Variants in EVL observed in about 807,000 individuals in gnomAD.
EVL encodes ena/VASP-like protein.
EVL carries 21 observed loss-of-function variants against 59.6 expected under a neutral mutation model. That is an observed-to-expected ratio of 0.35 (90% CI 0.25 to 0.51). The LOEUF is 0.51. Among genes scored for constraint, EVL ranks in the 20% least tolerant of loss-of-function variants. The pLI, the probability that EVL is intolerant of heterozygous loss-of-function variation, is 0.97. For synonymous variants in EVL, 198 were observed against 203.5 expected, an observed-to-expected ratio of 0.97 and a Z score of 0.23; for missense variants, 462 against 546.6, an observed-to-expected ratio of 0.85 and a Z score of 1.54.
At chr14:100,006,968 TAGG>T (rs2060986575) in intron 1 of EVL, among the ~76,000 whole-genome samples, 2 of 151,980 alleles carry the variant, frequency 1.3e-5, no homozygotes, top group Admixed American at 6.6e-5. Context: ...CAAGCACCAG[TAGG>T]AGATTTGTCA....
At chr14:100,056,241 A>T (rs2061731162) in intron 1 of EVL, among the ~76,000 whole-genome samples, 1 of 148,922 alleles carries the variant, frequency 6.7e-6, no homozygotes, top group Non-Finnish European at 1.5e-5. Flanking sequence ...TGCTTCTGAG[A>T]TGCCTTTTAC....
chr14:100,014,995 G>A (rs1319513822), intron 1 of EVL, among the ~76,000 whole-genome samples: 1 of 152,230 alleles, frequency 6.6e-6, no homozygotes, highest in African/African-American at 2.4e-5. Context: ...AAGTGAATGT[G>A]CATATTAGTA....
At chr14:100,065,182 C>T (rs1013570755), upstream of EVL, 2 of 178,666 alleles carry the variant, frequency 1.1e-5, no homozygotes, top group Non-Finnish European at 2.3e-5. Context: ...CACCCTTGCA[C>T]CCTTGCAGGA....
At position 100,097,528 on chromosome 14, in the gene EVL, C is replaced by T. The variant is rs763175483; in HGVS notation, c.228C>T (p.Ala76=). 11 of 1,613,880 alleles carry T rather than the reference C, an allele frequency of 6.8e-6. No individual in the cohort carries two copies. Among genetic ancestry groups the T allele is most frequent in the Non-Finnish European group, 8.5e-6 (10 of 1,179,882 alleles). The stretch of plus-strand genomic sequence containing the variant: ...TGAAAGGGCTGAAGTACAATCAGGC[C>T]ACGCCAACCTTCCACCAGTGGCGAG... ...SIVKGLKYNQ[A]TPTFHQWRDA... Residue 76 remains alanine, a synonymous_variant, in exon 3 of 14, where the codon GCC becomes GCT. Transcript: ENST00000392920.
At chr14:100,028,491 A>G (rs1460591483) in intron 1 of EVL, among the ~76,000 whole-genome samples, 1 of 152,122 alleles carries the variant, frequency 6.6e-6, no homozygotes, top group African/African-American at 2.4e-5. Context: ...TTTAGTTGTT[A>G]GGATGGCAAA....
intron 3 of EVL, among the ~76,000 whole-genome samples, chr14:100,103,422 GC>G (rs1319608152): frequency 1.3e-5 from 2 of 151,984 alleles, no homozygotes; most frequent in Non-Finnish European, 2.9e-5. Flanking sequence ...ATCCTCCCCA[GC>G]CCTCTGGATC....
At chr14:100,125,122 C>CCATACACACACACACA (rs142613424) in intron 4 of EVL, among the ~76,000 whole-genome samples, 1 of 103,078 alleles carries the variant, frequency 9.7e-6, no homozygotes, top group African/African-American at 4.8e-5. Context: ...CAAGGCGGGA[C>CCATACACACACACACA]CACACACACA....
In EVL at chr14:100,127,945, C is replaced by T. The variant is rs559601646; in HGVS notation, c.488-574C>T. The stretch of plus-strand genomic sequence containing the variant: ...TGGTTTTCCTCAGCACCATACCCAG[C>T]ACCTAGCACAGTGCCTGGCACAAAA... On this transcript the variant is annotated intron_variant, in intron 5 of 13. Coordinates refer to ENST00000392920, the MANE Select transcript of EVL (RefSeq NM_016337.3). The surrounding 1 kb of genome is among the most constrained non-coding windows in gnomAD (Gnocchi z 4.2). Among the ~76,000 whole-genome samples the T allele has an allele frequency of 1.5e-4, 23 of 152,372 alleles. No individual in the cohort carries two copies. Among genetic ancestry groups the T allele is most frequent in the African/African-American group, 4.3e-4 (18 of 41,600 alleles).
intron 1 of EVL, among the ~76,000 whole-genome samples, chr14:100,022,863 A>G (rs949985110): frequency 1.3e-5 from 2 of 152,192 alleles, no homozygotes; most frequent in Non-Finnish European, 2.9e-5. Context: ...GTGCTGGTTC[A>G]GGAGAACGTG....
intron 1 of EVL, among the ~76,000 whole-genome samples, chr14:100,080,292 G>GCC (rs1344599897): frequency 6.6e-6 from 1 of 152,174 alleles, no homozygotes; most frequent in Non-Finnish European, 1.5e-5. Flanking sequence ...GCTGTCCTGG[G>GCC]CCACATGCGG....
chr14:100,091,605 G>A (rs72711936), intron 2 of EVL, among the ~76,000 whole-genome samples: 9,877 of 152,228 alleles, frequency 0.065, 494 homozygotes, highest in East Asian at 0.27. Context: ...TGCCCTGTGC[G>A]TCTCTTATCT....
intron 1 of EVL, among the ~76,000 whole-genome samples, chr14:100,021,067 T>C (rs1189538812): frequency 2.0e-5 from 3 of 152,246 alleles, no homozygotes; most frequent in Non-Finnish European, 4.4e-5. Flanking sequence ...GTGATCCTTG[T>C]GAGAGTTATG....
intron 2 of EVL, among the ~76,000 whole-genome samples, chr14:100,086,971 G>C (rs950128368): frequency 2.6e-5 from 4 of 152,218 alleles, no homozygotes; most frequent in African/African-American, 9.6e-5. Flanking sequence ...TAGAAAGACT[G>C]ATTTTCACAG....
intron 1 of EVL, among the ~76,000 whole-genome samples, chr14:99,976,714 C>G (rs749946647): frequency 6.6e-6 from 1 of 152,186 alleles, no homozygotes; most frequent in African/African-American, 2.4e-5. Context: ...ATTGAAATAT[C>G]TCTAAGCTGA....
intron 1 of EVL, among the ~76,000 whole-genome samples, chr14:100,057,921 A>T (rs559341333): frequency 6.6e-6 from 1 of 151,966 alleles, no homozygotes; most frequent in Admixed American, 6.6e-5. Context: ...CCTTTTCTCT[A>T]CTCCCAGGAC....
At chr14:100,100,676 G>A (rs1249516622) in intron 3 of EVL, among the ~76,000 whole-genome samples, 1 of 151,762 alleles carries the variant, frequency 6.6e-6, no homozygotes, top group African/African-American at 2.4e-5. Flanking sequence ...CTACTTGGGA[G>A]GCTGAGGTGG....
chr14:100,013,309 G>A (rs895476173), intron 1 of EVL, among the ~76,000 whole-genome samples: 4 of 152,250 alleles, frequency 2.6e-5, no homozygotes, highest in Non-Finnish European at 5.9e-5. Flanking sequence ...GATCAGTTGA[G>A]ACTGGTTTTG....
chr14:99,996,549 ATTT>A (rs748489587), intron 1 of EVL, among the ~76,000 whole-genome samples: 1 of 151,960 alleles, frequency 6.6e-6, no homozygotes, highest in African/African-American at 2.4e-5. Context: ...TTTGTTGAGT[ATTT>A]TTACATGCCA....
chr14:100,061,819 A>G (rs1209569794), upstream of EVL, among the ~76,000 whole-genome samples: 2 of 152,142 alleles, frequency 1.3e-5, no homozygotes, highest in Non-Finnish European at 2.9e-5. Flanking sequence ...AGGTGAAAAT[A>G]TGTTTTCATT....
Sources: gnomAD v4.1 joint callset for allele counts (sites outside exome capture counted in the v4.1 genomes callset) on GRCh38, gnomAD v4.1.1 for gene constraint, Gnocchi (gnomAD v3.1) non-coding constraint, MANE v1.5 for transcripts, NCBI Gene and HGNC (gene_info 2026-07-23, HGNC 2026-07-21) for gene names.